CCDC7: variants seen among roughly 807,000 people sequenced by gnomAD.
The protein encoded by CCDC7 is coiled-coil domain containing 7, also known as coiled-coil domain-containing protein 7.
Under a neutral mutation model 196.9 loss-of-function variants are expected in CCDC7, and 183 were observed. That is an observed-to-expected ratio of 0.93 (90% CI 0.82 to 1.05). The LOEUF (loss-of-function observed/expected upper bound fraction) is 1.05. Among genes scored for constraint, CCDC7 ranks in the 50% least tolerant of loss-of-function variants. The pLI, the probability that CCDC7 is intolerant of heterozygous loss-of-function variation, is 0.00. For synonymous variants in CCDC7, 525 were observed against 484.6 expected, an observed-to-expected ratio of 1.08 and a Z score of -1.10; for missense variants, 1,540 against 1,482.2, an observed-to-expected ratio of 1.04 and a Z score of -0.64.
At chr10:32,474,687 C>T (rs1049881555) in intron 8 of CCDC7, among the ~76,000 whole-genome samples, 12 of 152,050 alleles carry the variant, frequency 7.9e-5, no homozygotes, top group African/African-American at 2.9e-4. Flanking sequence ...GAATTATATC[C>T]ACAAATGCTT....
chr10:32,705,483 G>T (rs995851764), intron 24 of CCDC7, among the ~76,000 whole-genome samples: 3 of 152,112 alleles, frequency 2.0e-5, no homozygotes, highest in Non-Finnish European at 4.4e-5. Flanking sequence ...AAACTTAAAT[G>T]TAAATGGGCT....
intron 18 of CCDC7, among the ~76,000 whole-genome samples, chr10:32,607,706 A>T (rs528184968): frequency 6.6e-6 from 1 of 152,196 alleles, no homozygotes; most frequent in South Asian, 2.1e-4. Flanking sequence ...AACTTTTTAA[A>T]TGTTTTTTGA....
intron 11 of CCDC7, among the ~76,000 whole-genome samples, chr10:32,524,078 T>C (rs2048301888): frequency 6.6e-6 from 1 of 151,356 alleles, no homozygotes; most frequent in Non-Finnish European, 1.5e-5. Context: ...TGTCTTTTTT[T>C]TTTTTTTAGT....
chr10:32,533,550 T>C (rs1030659388), intron 11 of CCDC7, among the ~76,000 whole-genome samples: 2 of 152,108 alleles, frequency 1.3e-5, no homozygotes, highest in Non-Finnish European at 2.9e-5. Flanking sequence ...TTTTTCAGAT[T>C]GAAGAACTCC....
intron 1 of CCDC7, among the ~76,000 whole-genome samples, chr10:32,452,588 G>A (rs1338102129): frequency 6.6e-6 from 1 of 152,216 alleles, no homozygotes; most frequent in Non-Finnish European, 1.5e-5. Flanking sequence ...CTCCCGAGTA[G>A]CTGGGACTAC....
intron 41 of CCDC7, among the ~76,000 whole-genome samples, chr10:32,872,964 C>G (rs549947824): frequency 6.6e-6 from 1 of 152,184 alleles, no homozygotes; most frequent in East Asian, 1.9e-4. Context: ...TCTGGCTGCC[C>G]TTAACATTTT....
chr10:32,552,464 A>G (rs962883658), intron 13 of CCDC7, among the ~76,000 whole-genome samples: 1 of 151,726 alleles, frequency 6.6e-6, no homozygotes, highest in African/African-American at 2.4e-5. Flanking sequence ...GTTCTTGTTT[A>G]TTTGTTTTTT....
intron 16 of CCDC7, among the ~76,000 whole-genome samples, chr10:32,577,481 C>A (rs1210117869): frequency 1.3e-5 from 2 of 152,136 alleles, no homozygotes; most frequent in African/African-American, 4.8e-5. Flanking sequence ...GGAGATTGTG[C>A]TCTATGGCCA....
At chr10:32,723,549 T>C (rs894163367) in intron 25 of CCDC7, among the ~76,000 whole-genome samples, 1 of 152,108 alleles carries the variant, frequency 6.6e-6, no homozygotes, top group Non-Finnish European at 1.5e-5. Flanking sequence ...TTGGATCAAA[T>C]CTTTCTAAGC....
chr10:32,653,867 A>G lies in CCDC7; in HGVS notation c.2015-10187A>G, dbSNP rs544953570. ...TCTTGATGTGAAGATTAATGCTTTA[A>G]CAAAATTTTGGAACTTTTCATTCAC... is the stretch of plus-strand genomic sequence containing the variant. On this transcript the variant is annotated intron_variant, in intron 20 of 41. Transcript: ENST00000639629. 3.3e-5 allele frequency among the ~76,000 whole-genome samples: 5 copies of G among 152,294 alleles called. No individual in the cohort carries two copies. The South Asian group carries it at 1.0e-3, about 32-fold the overall frequency.
At chr10:32,622,382 C>A (rs1414728483) in intron 18 of CCDC7, among the ~76,000 whole-genome samples, 1 of 151,668 alleles carries the variant, frequency 6.6e-6, no homozygotes, top group Non-Finnish European at 1.5e-5. Flanking sequence ...TGAAACTAAC[C>A]CCATCCCACC....
intron 18 of CCDC7, among the ~76,000 whole-genome samples, chr10:32,621,285 C>A (rs191393700): frequency 4.5e-4 from 68 of 152,270 alleles, no homozygotes; most frequent in Admixed American, 1.1e-3. Context: ...ACCGCTGTCT[C>A]TTCTTTATAC....
intron 28 of CCDC7, among the ~76,000 whole-genome samples, chr10:32,739,852 A>G (rs2085517901): frequency 1.5e-5 from 2 of 135,928 alleles, no homozygotes; most frequent in East Asian, 2.2e-4. Context: ...TATTGTCATT[A>G]TTTTTGCCCC....
At chr10:32,611,563 T>G (rs2062137121) in intron 18 of CCDC7, among the ~76,000 whole-genome samples, 1 of 152,220 alleles carries the variant, frequency 6.6e-6, no homozygotes, top group Non-Finnish European at 1.5e-5. Flanking sequence ...GGTCTTACAT[T>G]TAAGTCTTTA....
At chr10:32,831,730 A>G (rs1015202255) in intron 32 of CCDC7, among the ~76,000 whole-genome samples, 8 of 152,200 alleles carry the variant, frequency 5.3e-5, no homozygotes, top group Non-Finnish European at 1.0e-4. Context: ...GAAAGTCTTC[A>G]GGGAAAGTAA....
chr10:32,867,262 G>A (rs1344942794), intron 41 of CCDC7, among the ~76,000 whole-genome samples: 1 of 151,484 alleles, frequency 6.6e-6, no homozygotes, highest in East Asian at 1.9e-4. Context: ...GTGTTGTGAT[G>A]ATATATTATC....
At chr10:32,878,843 A>G (rs1218396163), downstream of CCDC7, among the ~76,000 whole-genome samples, 2 of 152,170 alleles carry the variant, frequency 1.3e-5, no homozygotes, top group Non-Finnish European at 2.9e-5. Context: ...TGGTGCTGCT[A>G]AAGACAAATC....
chr10:32,573,905 G>A (rs2057883835), intron 16 of CCDC7, among the ~76,000 whole-genome samples: 1 of 152,152 alleles, frequency 6.6e-6, no homozygotes, highest in Admixed American at 6.5e-5. Context: ...TGCCCTCAAT[G>A]CATTAACAGT....
chr10:32,856,785 C>T (rs1421785693), intron 41 of CCDC7, among the ~76,000 whole-genome samples: 1 of 152,140 alleles, frequency 6.6e-6, no homozygotes, highest in East Asian at 1.9e-4. Context: ...CTTCCCAGAG[C>T]CATGCCATTG....
Sources: allele counts gnomAD v4.1 joint callset (sites outside exome capture counted in the v4.1 genomes callset), GRCh38; gene constraint gnomAD v4.1.1; transcripts MANE v1.5; gene names NCBI Gene and HGNC (gene_info 2026-07-23, HGNC 2026-07-21).